The following ZNF45 variants were observed in gnomAD, a reference collection of about 807,000 sequenced individuals.
ZNF45 encodes BRC1744.
A neutral mutation model predicts 12.0 loss-of-function variants in ZNF45; 4 were observed. That is an observed-to-expected ratio of 0.33 (90% CI 0.16 to 0.76). The LOEUF (loss-of-function observed/expected upper bound fraction) is 0.76, where lower values mean the gene tolerates loss of function less well. Ranked by LOEUF, ZNF45 falls within the 30% of genes least tolerant of loss-of-function variation. The pLI is 0.60. For missense variants in ZNF45, 700 were observed against 813.0 expected, an observed-to-expected ratio of 0.86 and a Z score of 1.69; for synonymous variants, 272 against 279.6, an observed-to-expected ratio of 0.97 and a Z score of 0.27.
intron 7 of ZNF45, 116 bp downstream of exon 7, chr19:43,922,055 A>G (rs1293286350): frequency 2.0e-6 from 2 of 1,019,110 alleles, no homozygotes; most frequent in Non-Finnish European, 2.8e-6. Context: ...TTGGCACACA[A>G]GAGGTTCTCA....
intron 9 of ZNF45, among the ~76,000 whole-genome samples, chr19:43,916,869 C>G (rs1420017057): frequency 4.0e-5 from 6 of 151,720 alleles, no homozygotes; most frequent in African/African-American, 1.5e-4. Flanking sequence ...ATCACAAAAT[C>G]ATGGTAAGAA....
Position 43,922,230 on chromosome 19 carries a change from G to A in ZNF45, c.-32-13C>T. The A allele has an allele frequency of 6.3e-7, 1 of 1,577,872 alleles. No individual in the cohort carries two copies. Among genetic ancestry groups the A allele is most frequent in the East Asian group, 2.2e-5 (1 of 44,592 alleles). ...AGAAGTGCCAAGTCTTAAGAGGGAAGGAGAAAACATGAGGGAAGGAGAAAA... is the reference window on the plus strand; with the variant it reads ...AGAAGTGCCAAGTCTTAAGAGGGAAAGAGAAAACATGAGGGAAGGAGAAAA... On this transcript the variant is annotated splice_polypyrimidine_tract_variant and intron_variant, in intron 6 of 9. Transcript: ENST00000269973.
At chr19:43,928,076 G>A (rs1973831614) in intron 3 of ZNF45, among the ~76,000 whole-genome samples, 1 of 151,708 alleles carries the variant, frequency 6.6e-6, no homozygotes, top group African/African-American at 2.4e-5. Context: ...AGCTACTCAG[G>A]AGGATGAGGC....
At chr19:43,917,983 T>C (rs1199419073) in intron 9 of ZNF45, among the ~76,000 whole-genome samples, 2 of 152,190 alleles carry the variant, frequency 1.3e-5, no homozygotes, top group Non-Finnish European at 2.9e-5. Flanking sequence ...TTCTATAACA[T>C]TTATTTGCTT....
chr19:43,922,284 A>G, intron 6 of ZNF45, 67 bp from the exon 7 acceptor site: 1 of 1,133,786 alleles, frequency 8.8e-7, no homozygotes, highest in Non-Finnish European at 1.2e-6. Context: ...CAAAAAAAAA[A>G]CCATAGCTGT....
chr19:43,919,523 G>T, intron 8 of ZNF45, 50 bp downstream of exon 8: 1 of 1,589,822 alleles, frequency 6.3e-7, no homozygotes, highest in Non-Finnish European at 8.6e-7. Flanking sequence ...CCCAAGGACA[G>T]AGAGACAACA....
chr19:43,933,455 AAAAAAAC>A (rs886145300), intron 2 of ZNF45, among the ~76,000 whole-genome samples: 4 of 152,328 alleles, frequency 2.6e-5, no homozygotes, highest in East Asian at 3.9e-4. Flanking sequence ...TTCCATCTCA[AAAAAAAC>A]AAAAAACAAA....
chr19:43,918,147 G>C (rs944413579), intron 9 of ZNF45, among the ~76,000 whole-genome samples: 1 of 152,184 alleles, frequency 6.6e-6, no homozygotes, highest in African/African-American at 2.4e-5. Context: ...AGACTTAAAA[G>C]CTATTCTCTA....
At chr19:43,928,150 C>A in intron 3 of ZNF45, among the ~76,000 whole-genome samples, 1 of 133,518 alleles carries the variant, frequency 7.5e-6, no homozygotes, top group African/African-American at 2.8e-5. Flanking sequence ...CATTGCACTC[C>A]AGTCTGGGCA....
chr19:43,917,502 T>G (rs2048347195), intron 9 of ZNF45, among the ~76,000 whole-genome samples: 1 of 146,500 alleles, frequency 6.8e-6, no homozygotes, highest in South Asian at 2.2e-4. Flanking sequence ...TTATTTTTTT[T>G]GAGATGGAGT....
At chr19:43,933,489 A>T (rs1974295546) in intron 2 of ZNF45, among the ~76,000 whole-genome samples, 1 of 152,116 alleles carries the variant, frequency 6.6e-6, no homozygotes, top group Non-Finnish European at 1.5e-5. Flanking sequence ...AATTAATGAT[A>T]ATTATTAGTT....
intron 7 of ZNF45, among the ~76,000 whole-genome samples, chr19:43,920,897 C>T (rs761165439): frequency 2.0e-5 from 3 of 152,090 alleles, no homozygotes; most frequent in Non-Finnish European, 4.4e-5. Context: ...CCACTGTGCT[C>T]GGCCAGCATT....
chr19:43,921,344 T>C (rs1366185139), intron 7 of ZNF45, among the ~76,000 whole-genome samples: 1 of 152,186 alleles, frequency 6.6e-6, no homozygotes, highest in African/African-American at 2.4e-5. Context: ...TGCTAGACTT[T>C]TAAAATTAAG....
chr19:43,930,576 G>A (rs887037458), intron 3 of ZNF45, among the ~76,000 whole-genome samples: 2 of 152,126 alleles, frequency 1.3e-5, no homozygotes, highest in South Asian at 4.1e-4. Context: ...GCTCTGCCTG[G>A]CACTCAGGCC....
At chr19:43,917,350 T>C (rs1281972216) in intron 9 of ZNF45, among the ~76,000 whole-genome samples, 1 of 152,252 alleles carries the variant, frequency 6.6e-6, no homozygotes, top group African/African-American at 2.4e-5. Flanking sequence ...ATTAATTTCT[T>C]AATCAAACAA....
Position 43,913,173 on chromosome 19 carries a change from A to T in ZNF45, c.*214T>A, listed in dbSNP as rs939769573. The T allele has an allele frequency of 1.1e-5, 5 of 465,014 alleles. No homozygotes were observed. The highest frequency in any genetic ancestry group is 7.7e-5 in the African/African-American group (4 of 51,754). 28.8% of individuals were successfully genotyped at this position (465,014 alleles called of 1,614,324 possible). A position where few individuals can be genotyped will look rare whatever the true frequency, so the allele number is the denominator to read the frequency against. ...TAGTACTTCTGATTTACTCCAGATCAGACTCATCCTTCCTGATCCTCTTGT... is the reference window on the plus strand; with the variant it reads ...TAGTACTTCTGATTTACTCCAGATCTGACTCATCCTTCCTGATCCTCTTGT... On this transcript the variant is annotated 3_prime_UTR_variant, in exon 10 of 10. Coordinates refer to ENST00000269973, the MANE Select transcript of ZNF45 (RefSeq NM_003425.4).
chr19:43,923,568 T>A (rs1254704683), intron 6 of ZNF45, among the ~76,000 whole-genome samples: 1 of 152,196 alleles, frequency 6.6e-6, no homozygotes, highest in Non-Finnish European at 1.5e-5. Flanking sequence ...AGGTATCTGC[T>A]GTGGATAAGG....
chr19:43,923,089 G>T (rs1267666121), intron 6 of ZNF45, among the ~76,000 whole-genome samples: 5 of 152,096 alleles, frequency 3.3e-5, no homozygotes, highest in African/African-American at 1.2e-4. Flanking sequence ...GCCTCCCAAA[G>T]TGCTGGGATT....
At chr19:43,929,256 A>G (rs1254421146) in intron 3 of ZNF45, among the ~76,000 whole-genome samples, 1 of 152,230 alleles carries the variant, frequency 6.6e-6, no homozygotes, top group African/African-American at 2.4e-5. Context: ...TGAGACTCAC[A>G]GGGCCCTGAA....
Sources: allele counts gnomAD v4.1 joint callset (sites outside exome capture counted in the v4.1 genomes callset), GRCh38; gene constraint gnomAD v4.1.1; transcripts MANE v1.5; gene names NCBI Gene and HGNC (gene_info 2026-07-23, HGNC 2026-07-21).